The following MEST variants were observed in gnomAD, a reference collection of about 807,000 sequenced individuals.
The protein encoded by MEST is mesoderm specific transcript.
MEST carries 18 observed loss-of-function variants against 50.9 expected under a neutral mutation model. The ratio of observed to expected loss-of-function variants is 0.35; its 90% CI spans 0.24 to 0.52. The LOEUF (loss-of-function observed/expected upper bound fraction) is 0.52, where lower values mean the gene tolerates loss of function less well. MEST is among the 20% of genes least tolerant of loss of function. MEST has a pLI of 0.94. For synonymous variants in MEST, 130 were observed against 154.1 expected (o/e 0.84, Z 1.16); for missense variants, 282 against 425.3 (o/e 0.66, Z 2.96).
chr7:130,486,822 C>G (rs10228972), intron 1 of MEST: 108,192 of 152,282 alleles, frequency 0.71, 39,480 homozygotes, highest in Non-Finnish European at 0.8. Context: ...GGACAGCCAG[C>G]CTTGGAGGTT....
chr7:130,498,637 C>G, intron 6 of MEST, 160 bp downstream of exon 6: 1 of 673,172 alleles, frequency 1.5e-6, no homozygotes, highest in South Asian at 1.9e-5. Flanking sequence ...GGTGGTCTGA[C>G]AAGATTTATG....
chr7:130,487,931 C>T (rs1798673481), upstream of MEST: 2 of 152,280 alleles, frequency 1.3e-5, no homozygotes, highest in Admixed American at 1.3e-4. Context: ...AGGCATGAGC[C>T]ACTGCGCCCG....
intron 10 of MEST, 29 bp downstream of exon 10, chr7:130,502,749 A>C: frequency 6.5e-7 from 1 of 1,537,826 alleles, no homozygotes; most frequent in Non-Finnish European, 9.0e-7. Flanking sequence ...TTGATAGGAA[A>C]CTGAAGGACT....
intron 2 of MEST, chr7:130,496,439 A>C: frequency 3.2e-6 from 1 of 311,606 alleles, no homozygotes; most frequent in South Asian, 2.6e-5. Context: ...ATTTTTGAAA[A>C]CCTTATTACC....
chr7:130,489,790 A>T (rs1798730485), upstream of MEST: 1 of 152,272 alleles, frequency 6.6e-6, no homozygotes, highest in Non-Finnish European at 1.5e-5. Context: ...TGTTGTCTTC[A>T]GGAGCTCTCC....
intron 2 of MEST, chr7:130,496,271 C>G: frequency 2.4e-6 from 1 of 422,380 alleles, no homozygotes. Context: ...TTTTAGAAAA[C>G]TAATGTTGAA....
At position 130,505,286 on chromosome 7, in the gene MEST, G is replaced by C. The variant is rs1286584643; in HGVS notation, c.*230G>C. On this transcript the variant is annotated 3_prime_UTR_variant, in exon 12 of 12. Transcript: ENST00000223215. Reference sequence around the variant, plus strand: ...ACTTTGATATCTGATCAAATGTATAGACTTGGCTTTGTTTTTTGTGCTATT... The same window carrying C: ...ACTTTGATATCTGATCAAATGTATACACTTGGCTTTGTTTTTTGTGCTATT... 7.9e-6 allele frequency: 3 copies of C among 380,936 alleles called. No homozygotes were observed. Among genetic ancestry groups the C allele is most frequent in the Non-Finnish European group, 1.4e-5 (3 of 208,624 alleles). The allele number at this position is 380,936 out of a possible 1,614,324, so 23.6% of individuals were successfully genotyped here.
chr7:130,496,274 A>T (rs1799057556), intron 2 of MEST: 2 of 422,156 alleles, frequency 4.7e-6, no homozygotes, highest in South Asian at 3.5e-5. Flanking sequence ...TAGAAAACTA[A>T]TGTTGAAGTA....
intron 9 of MEST, among the ~76,000 whole-genome samples, chr7:130,501,624 GTC>G (rs1470179588): frequency 6.6e-6 from 1 of 152,204 alleles, no homozygotes; most frequent in Admixed American, 6.5e-5. Flanking sequence ...TGGCAGTGGT[GTC>G]TTACGCTGGA....
chr7:130,500,631 C>CA lies in MEST; in HGVS notation c.647+102dup. The CA allele has an allele frequency of 2.2e-6, 3 of 1,356,218 alleles. No individual in the cohort carries two copies. The highest frequency in any genetic ancestry group is 3.1e-6 in the Non-Finnish European group (3 of 974,906). 84.0% of individuals were successfully genotyped at this position (1,356,218 alleles called of 1,614,324 possible). On this transcript the variant is annotated intron_variant, in intron 8 of 11. Transcript: ENST00000223215. The surrounding 1 kb of genome is among the most constrained non-coding windows in gnomAD (Gnocchi z 5.0). ...AATCCTAAGGCTTGATATTTTAAAG[C>CA]AAAGGTGTTGGCCGCTTGCCAGGGA...
chr7:130,492,265 C>T lies in MEST; in HGVS notation c.-49C>T. 2 of 1,329,458 alleles carry T rather than the reference C, an allele frequency of 1.5e-6. No individual in the cohort carries two copies. The highest frequency in any genetic ancestry group is 3.1e-5 in the East Asian group (1 of 32,458). 82.4% of individuals were successfully genotyped at this position (1,329,458 alleles called of 1,614,324 possible). On this transcript the variant is annotated 5_prime_UTR_variant, in exon 1 of 12. Coordinates refer to ENST00000223215, the MANE Select transcript of MEST (RefSeq NM_002402.4). The surrounding 1 kb of genome is among the most constrained non-coding windows in gnomAD (Gnocchi z 7.6). ...CTCTGCACGGCTGCGGGCTCTGCGGCGCCCGGTGCTCTGCAACGCTGCGGC... is the reference window on the plus strand; with the variant it reads ...CTCTGCACGGCTGCGGGCTCTGCGGTGCCCGGTGCTCTGCAACGCTGCGGC...
chr7:130,501,986 CAAAA>C (rs3835383), intron 9 of MEST, among the ~76,000 whole-genome samples: 1 of 121,220 alleles, frequency 8.2e-6, no homozygotes, highest in African/African-American at 3.8e-5. Context: ...GACTCCGTCT[CAAAA>C]AAAAAAAAAG....
In MEST at chr7:130,497,687, G is replaced by A. The variant is rs1230604636; in HGVS notation, c.262-249G>A. 1 of 530,390 alleles carries A rather than the reference G, an allele frequency of 1.9e-6. No homozygotes were observed. Among genetic ancestry groups the A allele is most frequent in the African/African-American group, 1.9e-5 (1 of 52,700 alleles). 32.9% of individuals were successfully genotyped at this position (530,390 alleles called of 1,614,324 possible). A position where few individuals can be genotyped will look rare whatever the true frequency, so the allele number is the denominator to read the frequency against. ...GTTGAACTGTTCCTTATTTACTGAA[G>A]GGAATAAACAACTCCTTGGCACTCT... is the stretch of plus-strand genomic sequence containing the variant. On this transcript the variant is annotated intron_variant, in intron 3 of 11. Coordinates refer to ENST00000223215, the MANE Select transcript of MEST (RefSeq NM_002402.4). The surrounding 1 kb of genome is among the most constrained non-coding windows in gnomAD (Gnocchi z 4.0).
chr7:130,497,043 G>A lies in MEST; in HGVS notation c.182-113G>A. 1.3e-6 allele frequency: 1 copy of A among 763,556 alleles called. No individual in the cohort carries two copies. Among genetic ancestry groups the A allele is most frequent in the Non-Finnish European group, 2.1e-6 (1 of 477,118 alleles). The allele number at this position is 763,556 out of a possible 1,614,324, so 47.3% of individuals were successfully genotyped here. A position where few individuals can be genotyped will look rare whatever the true frequency, so the allele number is the denominator to read the frequency against. ...TTACAAATAATTGTGTCATTTTAAT[G>A]TCAATTTGGTCACAGTTGCTTGTTC... On this transcript the variant is annotated intron_variant, in intron 2 of 11. Transcript: ENST00000223215. This position sits in a 1 kb window ranked among gnomAD's most constrained non-coding sequence, Gnocchi z 4.0.
chr7:130,502,179 C>A (rs1554438651), intron 9 of MEST, among the ~76,000 whole-genome samples: 1 of 152,048 alleles, frequency 6.6e-6, no homozygotes. Flanking sequence ...TATGATTGCA[C>A]CTGTGACTAG....
chr7:130,505,185 C>T lies in MEST; in HGVS notation c.*129C>T, dbSNP rs1216185473. ...ATTCTCTCACAAAGTCCACTTTACTCAAATTGGTGAACAGTGTATAGGAAG... is the reference window on the plus strand; with the variant it reads ...ATTCTCTCACAAAGTCCACTTTACTTAAATTGGTGAACAGTGTATAGGAAG... On this transcript the variant is annotated 3_prime_UTR_variant, in exon 12 of 12. Transcript: ENST00000223215. 1 of 738,944 alleles carries T rather than the reference C, an allele frequency of 1.4e-6. No individual in the cohort carries two copies. Among genetic ancestry groups the T allele is most frequent in the Non-Finnish European group, 2.3e-6 (1 of 429,338 alleles). 45.8% of individuals were successfully genotyped at this position (738,944 alleles called of 1,614,324 possible). A position where few individuals can be genotyped will look rare whatever the true frequency, so the allele number is the denominator to read the frequency against.
chr7:130,490,602 T>TA (rs1161779873), upstream of MEST, among the ~76,000 whole-genome samples: 1 of 152,202 alleles, frequency 6.6e-6, no homozygotes, highest in Non-Finnish European at 1.5e-5. Context: ...CTGAGGGCCT[T>TA]ACACGTTAGG....
upstream of MEST, chr7:130,491,942 C>T (rs1798830017): frequency 1.3e-5 from 2 of 156,994 alleles, no homozygotes; most frequent in Admixed American, 1.3e-4. This position sits in a 1 kb window ranked among gnomAD's most constrained non-coding sequence, Gnocchi z 6.8. Flanking sequence ...GGCACCCCAT[C>T]TTTGTGGCCA....
In MEST at chr7:130,497,970, T is replaced by C. The variant is rs1799129000; in HGVS notation, c.296T>C (p.Val99Ala). 6.2e-7 allele frequency: 1 copy of C among 1,614,176 alleles called. No individual in the cohort carries two copies. Among genetic ancestry groups the C allele is most frequent in the Non-Finnish European group, 8.5e-7 (1 of 1,180,022 alleles). Residue 99 changes from valine (V) to alanine (A), a missense_variant, in exon 4 of 12, where the codon GTG (valine) becomes GCG (alanine). Physicochemically the swap from Val to Ala is moderately conservative, Grantham distance 64. Coordinates refer to ENST00000223215, the MANE Select transcript of MEST (RefSeq NM_002402.4). This position sits in a 1 kb window ranked among gnomAD's most constrained non-coding sequence, Gnocchi z 4.0. ...WEGLTLRFHR[V>A]IALDFLGFGF... The stretch of plus-strand genomic sequence containing the variant: ...GGTCTGACCTTGAGGTTTCATCGGG[T>C]GATTGCCCTTGATTTCTTAGGCTTT...
Sources: gnomAD v4.1 joint callset for allele counts (sites outside exome capture counted in the v4.1 genomes callset) on GRCh38, gnomAD v4.1.1 for gene constraint, Gnocchi (gnomAD v3.1) non-coding constraint, MANE v1.5 for transcripts, NCBI Gene and HGNC (gene_info 2026-07-23, HGNC 2026-07-21) for gene names.